HMCN1: variants seen among roughly 807,000 people sequenced by gnomAD.
HMCN1 encodes hemicentin-1.
A neutral mutation model predicts 625.9 loss-of-function variants in HMCN1; 321 were observed. The observed-to-expected ratio is 0.51, with a 90% CI of 0.47 to 0.56. The LOEUF is 0.56. Among genes scored for constraint, HMCN1 ranks in the 20% least tolerant of loss-of-function variants. The probability of loss-of-function intolerance (pLI) is 0.00; values close to 1 mark genes in which losing one functional copy is unlikely to be tolerated. For missense variants in HMCN1, 6,588 were observed against 6,887.3 expected, an observed-to-expected ratio of 0.96 and a Z score of 1.54; for synonymous variants, 2,425 against 2,417.6, an observed-to-expected ratio of 1.00 and a Z score of -0.09.
chr1:185,756,280 TG>T (rs1400512737), intron 1 of HMCN1, among the ~76,000 whole-genome samples: 10 of 152,150 alleles, frequency 6.6e-5, no homozygotes, highest in Non-Finnish European at 1.5e-5. Flanking sequence ...CCAGTCAAAC[TG>T]AGTGATGTCA....
At chr1:186,108,672 C>T in intron 71 of HMCN1, 75 bp downstream of exon 71, 3 of 1,550,690 alleles carry the variant, frequency 1.9e-6, no homozygotes, top group South Asian at 2.3e-5. Flanking sequence ...AGGGCCTTTG[C>T]TGGGTACACA....
intron 2 of HMCN1, among the ~76,000 whole-genome samples, chr1:185,854,686 T>C (rs1468587557): frequency 6.6e-6 from 1 of 152,206 alleles, no homozygotes; most frequent in Non-Finnish European, 1.5e-5. Flanking sequence ...ATCATATATG[T>C]AGTCATTGCC....
chr1:185,915,517 C>T (rs1666653649), intron 6 of HMCN1, among the ~76,000 whole-genome samples: 1 of 151,866 alleles, frequency 6.6e-6, no homozygotes, highest in South Asian at 2.1e-4. Flanking sequence ...TAACATATCC[C>T]CTGGGGTATG....
chr1:185,824,465 T>C (rs1247182227), intron 1 of HMCN1, among the ~76,000 whole-genome samples: 3 of 152,148 alleles, frequency 2.0e-5, no homozygotes, highest in Non-Finnish European at 4.4e-5. Flanking sequence ...ACCCTGTAAA[T>C]ATACCCTCTC....
At chr1:185,893,828 G>A (rs1194511146) in intron 4 of HMCN1, among the ~76,000 whole-genome samples, 1 of 152,110 alleles carries the variant, frequency 6.6e-6, no homozygotes, top group East Asian at 1.9e-4. Flanking sequence ...TAAGCATACA[G>A]CTTAATACAT....
rs368324132 is a variant in HMCN1, at chr1:186,065,284, C to A, written c.7560C>A (p.Leu2520=). ...CATGGCACAAAGATGGGCAGCCCCTCCAAGAAGATGAAGCCCATCACATTA... is the reference window on the plus strand; with the variant it reads ...CATGGCACAAAGATGGGCAGCCCCTACAAGAAGATGAAGCCCATCACATTA... ...EITWHKDGQP[L]QEDEAHHIIS... is the part of the protein sequence containing the mutation. Residue 2520 remains leucine, a synonymous_variant, in exon 49 of 107, where the codon CTC becomes CTA. Transcript: ENST00000271588. 1 of 1,612,626 alleles carries A rather than the reference C, an allele frequency of 6.2e-7. No individual in the cohort carries two copies. Among genetic ancestry groups the A allele is most frequent in the East Asian group, 2.2e-5 (1 of 44,740 alleles).
chr1:186,147,571 A>G (rs1288197908), intron 93 of HMCN1, among the ~76,000 whole-genome samples: 2 of 152,090 alleles, frequency 1.3e-5, no homozygotes, highest in Non-Finnish European at 2.9e-5. Context: ...ATGCAATTGT[A>G]TTTCTCTCCA....
In HMCN1 at chr1:186,117,602, G is replaced by A; in HGVS notation, c.11827G>A (p.Gly3943Ser). Residue 3943 changes from glycine to serine, a missense_variant, in exon 77 of 107, where the codon GGC (glycine) becomes AGC (serine). Physicochemically the swap from Gly to Ser is moderately conservative, Grantham distance 56 (BLOSUM62 0). Coordinates refer to ENST00000271588, the MANE Select transcript of HMCN1 (RefSeq NM_031935.3). ...TATAAGACTGCTTCCCAGGGGAGATGGCTATAGAATTCTGTCCTCAGGTAA... is the reference window on the plus strand; with the variant it reads ...TATAAGACTGCTTCCCAGGGGAGATAGCTATAGAATTCTGTCCTCAGGTAA... ...NGIRLLPRGD[G>S]YRILSSGAIE... is the part of the protein sequence containing the mutation. 2 of 1,613,714 alleles carry A rather than the reference G, an allele frequency of 1.2e-6. No homozygotes were observed. Among genetic ancestry groups the A allele is most frequent in the Non-Finnish European group, 1.7e-6 (2 of 1,179,776 alleles).
chr1:186,044,203 A>G (rs1380487460), intron 40 of HMCN1, among the ~76,000 whole-genome samples: 1 of 152,168 alleles, frequency 6.6e-6, no homozygotes, highest in Non-Finnish European at 1.5e-5. Flanking sequence ...AAATAATGTC[A>G]GTGTTTTCTG....
At chr1:185,877,727 AT>A (rs955812933) in intron 4 of HMCN1, among the ~76,000 whole-genome samples, 2 of 151,214 alleles carry the variant, frequency 1.3e-5, no homozygotes, top group Non-Finnish European at 3.0e-5. Flanking sequence ...TTGTATGGCT[AT>A]TTTTTTCCTT....
intron 1 of HMCN1, among the ~76,000 whole-genome samples, chr1:185,756,030 C>T (rs992636095): frequency 1.3e-5 from 2 of 152,086 alleles, no homozygotes; most frequent in African/African-American, 4.8e-5. Flanking sequence ...GTACTCTGTA[C>T]CTGTGTACTC....
chr1:186,098,231 A>G (rs1419166764), intron 68 of HMCN1, among the ~76,000 whole-genome samples: 1 of 152,154 alleles, frequency 6.6e-6, no homozygotes, highest in Non-Finnish European at 1.5e-5. Context: ...AAGCTTCTGC[A>G]CAGCTAAGGA....
chr1:185,941,176 TA>T (rs371272971), intron 11 of HMCN1, among the ~76,000 whole-genome samples: 79 of 152,078 alleles, frequency 5.2e-4, no homozygotes, highest in African/African-American at 1.9e-3. Flanking sequence ...TTTTAAAGAG[TA>T]TGAGATGTAT....
intron 97 of HMCN1, among the ~76,000 whole-genome samples, chr1:186,162,774 G>T (rs939921248): frequency 1.3e-5 from 2 of 152,164 alleles, no homozygotes; most frequent in African/African-American, 4.8e-5. Context: ...TCCTCTGGAA[G>T]TTTTGTCTCA....
chr1:185,940,222 ATTATC>A (rs1471750416), intron 11 of HMCN1, among the ~76,000 whole-genome samples: 1 of 152,234 alleles, frequency 6.6e-6, no homozygotes, highest in Non-Finnish European at 1.5e-5. Flanking sequence ...ATTTAAATAT[ATTATC>A]TTAACAGTAA....
At chr1:185,975,084 A>G (rs772575911) in intron 15 of HMCN1, among the ~76,000 whole-genome samples, 8 of 152,108 alleles carry the variant, frequency 5.3e-5, no homozygotes, top group Non-Finnish European at 8.8e-5. Flanking sequence ...CCATCACCGC[A>G]TTTACCTGCC....
intron 1 of HMCN1, among the ~76,000 whole-genome samples, chr1:185,775,823 T>C (rs1348107971): frequency 6.6e-6 from 1 of 152,164 alleles, no homozygotes; most frequent in South Asian, 2.1e-4. Context: ...GGCTTATTCA[T>C]TGGGGGAGTT....
intron 1 of HMCN1, among the ~76,000 whole-genome samples, chr1:185,785,387 A>C: frequency 6.6e-6 from 1 of 152,240 alleles, no homozygotes; most frequent in East Asian, 1.9e-4. Flanking sequence ...TTTCTTAAAA[A>C]GAAAGTGACA....
chr1:186,113,371 C>G (rs1263762532), intron 72 of HMCN1, among the ~76,000 whole-genome samples: 1 of 152,106 alleles, frequency 6.6e-6, no homozygotes, highest in African/African-American at 2.4e-5. Flanking sequence ...AGCTGAATGC[C>G]AACATCTAGG....
Sources: allele counts gnomAD v4.1 joint callset (sites outside exome capture counted in the v4.1 genomes callset), GRCh38; gene constraint gnomAD v4.1.1; transcripts MANE v1.5; gene names NCBI Gene and HGNC (gene_info 2026-07-23, HGNC 2026-07-21).